The following ABCG2 variants were observed in gnomAD, a reference collection of about 807,000 sequenced individuals.
ABCG2 encodes the protein broad substrate specificity ATP-binding cassette transporter ABCG2.
In ABCG2, 80 loss-of-function variants were observed where a neutral mutation model predicts 73.5. The ratio of observed to expected loss-of-function variants is 1.09; its 90% CI spans 0.91 to 1.31. The LOEUF (loss-of-function observed/expected upper bound fraction) is 1.31. ABCG2 is among the 50% of genes most tolerant of loss of function. The pLI is 0.00. For missense variants in ABCG2, 796 were observed against 786.2 expected (o/e 1.01, Z -0.15); for synonymous variants, 269 against 282.4 (o/e 0.95, Z 0.48).
chr4:88,109,656 T>C (rs900052515), intron 9 of ABCG2, among the ~76,000 whole-genome samples: 2 of 152,180 alleles, frequency 1.3e-5, no homozygotes, highest in African/African-American at 4.8e-5. Flanking sequence ...AATCCATTCA[T>C]TCTAAGATTT....
intron 1 of ABCG2, among the ~76,000 whole-genome samples, chr4:88,172,177 C>T (rs908960235): frequency 6.6e-6 from 1 of 151,648 alleles, no homozygotes; most frequent in Admixed American, 6.6e-5. Context: ...TGCCTGTAAT[C>T]CCAGCTACTC....
chr4:88,122,049 G>T (rs1724042541), intron 5 of ABCG2, among the ~76,000 whole-genome samples: 3 of 152,052 alleles, frequency 2.0e-5, no homozygotes, highest in Admixed American at 6.6e-5. Context: ...CCTCACCCAG[G>T]AAGCACAAGG....
chr4:88,211,364 C>A (rs1487523796), intron 1 of ABCG2, among the ~76,000 whole-genome samples: 2 of 49,746 alleles, frequency 4.0e-5, no homozygotes, highest in South Asian at 9.0e-4. Flanking sequence ...CCCTGCCCCA[C>A]CCCCCCCCAC....
rs1457063507 is a variant in ABCG2 at position 88,210,758 on chromosome 4, A to G, written c.-20+20236T>C. 3.3e-5 allele frequency among the ~76,000 whole-genome samples: 5 copies of G among 152,188 alleles called. No individual in the cohort carries two copies. In the East Asian group the frequency reaches 7.7e-4, roughly 24 times the overall value. Reference sequence around the variant, plus strand: ...AGGCACTTGCCACCATTAACTGGCTAATATTTTATAGAGACAGTCTTGCTT... The same window carrying G: ...AGGCACTTGCCACCATTAACTGGCTGATATTTTATAGAGACAGTCTTGCTT... On this transcript the variant is annotated intron_variant, in intron 1 of 15. Transcript: ENST00000515655.
At chr4:88,117,307 G>A (rs1723644744) in intron 7 of ABCG2, among the ~76,000 whole-genome samples, 1 of 148,096 alleles carries the variant, frequency 6.8e-6, no homozygotes, top group Non-Finnish European at 1.5e-5. Context: ...GTGACACAGT[G>A]AGATCCTATC....
At chr4:88,149,239 T>C (rs1266038087) in intron 1 of ABCG2, among the ~76,000 whole-genome samples, 3 of 151,980 alleles carry the variant, frequency 2.0e-5, no homozygotes, top group African/African-American at 7.2e-5. Flanking sequence ...AATAAATAAA[T>C]AAAAGAATTC....
At chr4:88,211,246 C>T (rs112039536) in intron 1 of ABCG2, among the ~76,000 whole-genome samples, 42 of 151,738 alleles carry the variant, frequency 2.8e-4, no homozygotes, top group African/African-American at 9.4e-4. Context: ...TTCAGGGTTG[C>T]ACGTGCTTGT....
intron 1 of ABCG2, among the ~76,000 whole-genome samples, chr4:88,189,546 TA>T (rs1728599583): frequency 6.6e-6 from 1 of 151,254 alleles, no homozygotes; most frequent in African/African-American, 2.4e-5. Context: ...AATAAATAAA[TA>T]AATAAATAAG....
chr4:88,150,851 A>C lies in ABCG2; in HGVS notation c.-20+7535T>G, dbSNP rs528545194. 3.3e-5 allele frequency among the ~76,000 whole-genome samples: 5 copies of C among 152,316 alleles called. 1 individual carries two copies. In the South Asian group the frequency reaches 1.0e-3, roughly 32 times the overall value. On this transcript the variant is annotated intron_variant, in intron 1 of 15. Transcript: ENST00000237612. ...TCCACCATAATAATATCAAGAGCCA[A>C]GATGAGGACACTGTCCTGCACCCCT...
intron 1 of ABCG2, among the ~76,000 whole-genome samples, chr4:88,214,290 C>T (rs1433239192): frequency 6.6e-6 from 1 of 151,914 alleles, no homozygotes; most frequent in East Asian, 1.9e-4. Flanking sequence ...ATCTATTTCC[C>T]CCATCCTCAA....
intron 6 of ABCG2, 48 bp from the exon 7 acceptor site, chr4:88,118,308 G>C: frequency 6.3e-7 from 1 of 1,580,842 alleles, no homozygotes; most frequent in Non-Finnish European, 8.7e-7. Context: ...TCTGAAACTT[G>C]TATTTCTCAG....
chr4:88,101,661 G>A (rs1051944432), intron 10 of ABCG2, among the ~76,000 whole-genome samples: 5 of 152,210 alleles, frequency 3.3e-5, no homozygotes, highest in African/African-American at 1.2e-4. Flanking sequence ...GAGGTTACAG[G>A]ATAGGGAGGT....
At chr4:88,099,504 C>T in intron 11 of ABCG2, 56 bp from the exon 12 acceptor site, 1 of 1,526,048 alleles carries the variant, frequency 6.6e-7, no homozygotes, top group Non-Finnish European at 8.8e-7. Flanking sequence ...AGCCACAGGG[C>T]AGGCTAGACT....
At chr4:88,168,227 A>ACCTGTAATC (rs1349884003) in intron 1 of ABCG2, among the ~76,000 whole-genome samples, 2 of 152,068 alleles carry the variant, frequency 1.3e-5, no homozygotes, top group Admixed American at 1.3e-4. Flanking sequence ...AGTGGTTCAC[A>ACCTGTAATC]CCTGTAATCC....
chr4:88,191,062 C>G (rs1356704444), intron 1 of ABCG2, among the ~76,000 whole-genome samples: 1 of 151,104 alleles, frequency 6.6e-6, no homozygotes. Flanking sequence ...CAGTGAAACC[C>G]CATCTGTACT....
upstream of ABCG2, among the ~76,000 whole-genome samples, chr4:88,161,995 C>T (rs2110086848): frequency 6.6e-6 from 1 of 151,460 alleles, no homozygotes; most frequent in South Asian, 2.1e-4. Context: ...TGTTCATGTC[C>T]TTCGCCCACT....
intron 6 of ABCG2, 112 bp from the exon 7 acceptor site, chr4:88,118,372 G>T: frequency 8.7e-7 from 1 of 1,144,556 alleles, no homozygotes; most frequent in Non-Finnish European, 1.2e-6. Flanking sequence ...GCCTGACTTT[G>T]TCTTACTAAC....
At chr4:88,149,532 G>A (rs1466480) in intron 1 of ABCG2, among the ~76,000 whole-genome samples, 32,059 of 151,888 alleles carry the variant, frequency 0.21, 4,928 homozygotes, top group African/African-American at 0.43. Flanking sequence ...AAACTGCTTA[G>A]CCTCTCCAAG....
rs926907098 is a variant in ABCG2 at position 88,114,888 on chromosome 4, G to A, written c.943+69C>T. 1.4e-4 allele frequency: 136 copies of A among 993,776 alleles called. 1 individual carries two copies. In the African/African-American group the frequency reaches 2.0e-3, roughly 15 times the overall value. The allele number at this position is 993,776 out of a possible 1,614,324, so 61.6% of individuals were successfully genotyped here. A position where few individuals can be genotyped will look rare whatever the true frequency, so the allele number is the denominator to read the frequency against. ...AATTCACAAAGCCACATTTTAATTAGCCACCACATTGCTAAACTTCAGCCA... is the reference window on the plus strand; with the variant it reads ...AATTCACAAAGCCACATTTTAATTAACCACCACATTGCTAAACTTCAGCCA... On this transcript the variant is annotated intron_variant, in intron 8 of 15. Transcript: ENST00000237612.
Sources: gnomAD v4.1 joint callset for allele counts (sites outside exome capture counted in the v4.1 genomes callset) on GRCh38, gnomAD v4.1.1 for gene constraint, MANE v1.5 for transcripts, NCBI Gene and HGNC (gene_info 2026-07-23, HGNC 2026-07-21) for gene names.